Variants in GIGYF2 observed in about 807,000 individuals in gnomAD.
The protein encoded by GIGYF2 is GRB10 interacting GYF protein 2.
A neutral mutation model predicts 208.1 loss-of-function variants in GIGYF2; 25 were observed. That is an observed-to-expected ratio of 0.12 (90% confidence interval 0.09 to 0.17). The LOEUF (loss-of-function observed/expected upper bound fraction) is 0.17, where lower values mean the gene tolerates loss of function less well. GIGYF2 is among the 10% of genes least tolerant of loss of function. GIGYF2 has a pLI of 1.00. For missense variants in GIGYF2, 1,302 were observed against 1,579.4 expected, an observed-to-expected ratio of 0.82 and a Z score of 2.98; for synonymous variants, 534 against 543.8, an observed-to-expected ratio of 0.98 and a Z score of 0.25.
intron 2 of GIGYF2, among the ~76,000 whole-genome samples, chr2:232,705,273 A>G (rs1696041915): frequency 6.6e-6 from 1 of 152,300 alleles, no homozygotes; most frequent in Middle Eastern, 3.4e-3. Context: ...AGTAGTGGGG[A>G]CCGTTACTTT....
At chr2:232,848,301 G>T (rs1360305153) in intron 27 of GIGYF2, among the ~76,000 whole-genome samples, 1 of 152,134 alleles carries the variant, frequency 6.6e-6, no homozygotes, top group African/African-American at 2.4e-5. Flanking sequence ...GCCTTCCTGT[G>T]CTTAGGAACA....
chr2:232,816,125 A>T (rs560194621), intron 19 of GIGYF2, among the ~76,000 whole-genome samples: 1 of 152,306 alleles, frequency 6.6e-6, no homozygotes, highest in East Asian at 1.9e-4. Context: ...GTATTTGTTT[A>T]TATTTCTTAG....
rs1690709104 is a variant in GIGYF2 at position 232,859,889 on chromosome 2, G to C, written c.*3029G>C. On this transcript the variant is annotated 3_prime_UTR_variant, in exon 29 of 29. Transcript: ENST00000373563. ...CAGGCAGAAGCTGTGTTACCTTTTTGAGCTCTTAGCTCAGGAGTCACATAG... is the reference window on the plus strand; with the variant it reads ...CAGGCAGAAGCTGTGTTACCTTTTTCAGCTCTTAGCTCAGGAGTCACATAG... 6.6e-6 allele frequency: 1 copy of C among 151,994 alleles called. No individual in the cohort carries two copies. The highest frequency in any genetic ancestry group is 1.5e-5 in the Non-Finnish European group (1 of 68,016). The allele number at this position is 151,994 out of a possible 1,614,324, so 9.4% of individuals were successfully genotyped here.
At chr2:232,749,625 TAA>T (rs1380065694) in intron 5 of GIGYF2, among the ~76,000 whole-genome samples, 3 of 151,960 alleles carry the variant, frequency 2.0e-5, no homozygotes, top group Non-Finnish European at 4.4e-5. Context: ...GCAAAGAAAA[TAA>T]AAGAGTTTCT....
At chr2:232,784,598 G>GCCAGGTTGAT (rs140365931) in intron 8 of GIGYF2, among the ~76,000 whole-genome samples, 3 of 151,294 alleles carry the variant, frequency 2.0e-5, no homozygotes, top group Non-Finnish European at 4.4e-5. Context: ...CATCGTGTTA[G>GCCAGGTTGAT]CTTGATCTGA....
chr2:232,754,776 G>C (rs1398961645), intron 5 of GIGYF2, among the ~76,000 whole-genome samples: 1 of 151,756 alleles, frequency 6.6e-6, no homozygotes, highest in Admixed American at 6.6e-5. Context: ...ATTATAGTTT[G>C]AAATAGAAAT....
At chr2:232,733,305 A>G (rs1283807624) in intron 2 of GIGYF2, among the ~76,000 whole-genome samples, 1 of 150,682 alleles carries the variant, frequency 6.6e-6, no homozygotes, top group Non-Finnish European at 1.5e-5. Flanking sequence ...AGTTTACCTC[A>G]GTTTTAGTCT....
rs62640389 is a variant in GIGYF2 at position 232,847,520 on chromosome 2, G to T, written c.3633G>T (p.Gln1211His). 2.0e-6 allele frequency: 2 copies of T among 1,004,872 alleles called. No individual in the cohort carries two copies. Among genetic ancestry groups the T allele is most frequent in the Non-Finnish European group, 1.3e-6 (1 of 743,752 alleles). 62.2% of individuals were successfully genotyped at this position (1,004,872 alleles called of 1,614,324 possible). ...NQQRQQQQLPQQQQQQPPQQP... is the reference protein window; with the variant it reads ...NQQRQQQQLPHQQQQQPPQQP... ...AGCGTCAGCAGCAGCAGCTGCCACAGCAGCAGCAGCAGCAGCCGCCACAGC... is the reference window on the plus strand; with the variant it reads ...AGCGTCAGCAGCAGCAGCTGCCACATCAGCAGCAGCAGCAGCCGCCACAGC... The change falls in exon 27 of 29, where the codon CAG (glutamine) becomes CAT (histidine). Residue 1211 changes from glutamine to histidine, a missense_variant. Physicochemically the swap from Gln to His is conservative, Grantham distance 24 (BLOSUM62 0). Around this residue, in one of 8 missense-constraint regions of GIGYF2, gnomAD observed 701 missense variants for 793.0 expected, o/e 0.88. Transcript: ENST00000373563.
intron 15 of GIGYF2, among the ~76,000 whole-genome samples, chr2:232,807,068 C>G (rs138011768): frequency 6.6e-6 from 1 of 152,198 alleles, no homozygotes; most frequent in Non-Finnish European, 1.5e-5. Flanking sequence ...TTTGCTTCCT[C>G]TAGTTAGAAT....
intron 3 of GIGYF2, among the ~76,000 whole-genome samples, chr2:232,744,746 G>C (rs1184621769): frequency 6.6e-6 from 1 of 151,728 alleles, no homozygotes; most frequent in East Asian, 1.9e-4. Flanking sequence ...TGCCCAGGCT[G>C]GTCTTGAACT....
chr2:232,791,416 C>T lies in GIGYF2; in HGVS notation c.1252C>T (p.Leu418=), dbSNP rs747901759. Residue 418 remains leucine, a synonymous_variant, in exon 12 of 29, where the codon CTA becomes TTA. Transcript: ENST00000373563. ...AEEETRMENS[L]PAKVPSRGDE... ...AGAGGAGACTCGGATGGAAAATAGT[C>T]TACCAGCCAAAGTGCCCAGCAGAGG... 1.2e-6 allele frequency: 2 copies of T among 1,613,960 alleles called. No homozygotes were observed. The highest frequency in any genetic ancestry group is 3.3e-5 in the Admixed American group (2 of 59,984).
Position 232,858,325 on chromosome 2 carries a change from C to G in GIGYF2, c.*1465C>G. On this transcript the variant is annotated 3_prime_UTR_variant, in exon 29 of 29. Coordinates refer to ENST00000373563, the MANE Select transcript of GIGYF2 (RefSeq NM_001103146.3). ...GGGTTTGGAGTATTATATTTGGCTTCTATTTTTATTATTTTGGATCACCAT... is the reference window on the plus strand; with the variant it reads ...GGGTTTGGAGTATTATATTTGGCTTGTATTTTTATTATTTTGGATCACCAT... 2.6e-6 allele frequency: 1 copy of G among 382,696 alleles called. No individual in the cohort carries two copies. Among genetic ancestry groups the G allele is most frequent in the Non-Finnish European group, 5.1e-6 (1 of 196,630 alleles). The allele number at this position is 382,696 out of a possible 1,614,324, so 23.7% of individuals were successfully genotyped here.
intron 22 of GIGYF2, among the ~76,000 whole-genome samples, chr2:232,835,630 G>T (rs1434019294): frequency 6.6e-6 from 1 of 152,068 alleles, no homozygotes; most frequent in Non-Finnish European, 1.5e-5. Context: ...TTACTTGTTT[G>T]TTTATTTGTT....
chr2:232,780,163 A>G (rs1574875286), intron 8 of GIGYF2, among the ~76,000 whole-genome samples: 1 of 152,296 alleles, frequency 6.6e-6, no homozygotes, highest in East Asian at 1.9e-4. Context: ...CATAAACACT[A>G]TTTTTGGCCG....
At chr2:232,830,687 A>C (rs1701401874) in intron 21 of GIGYF2, among the ~76,000 whole-genome samples, 1 of 152,144 alleles carries the variant, frequency 6.6e-6, no homozygotes, top group Admixed American at 6.6e-5. Flanking sequence ...GATTCCATTC[A>C]GAATATCGTA....
At chr2:232,705,729 G>GT (rs1403609353) in intron 2 of GIGYF2, 1 of 153,224 alleles carries the variant, frequency 6.5e-6, no homozygotes, top group Admixed American at 6.6e-5. Context: ...TTGAGATGGA[G>GT]TTTCACTCTT....
intron 23 of GIGYF2, among the ~76,000 whole-genome samples, chr2:232,840,298 G>A (rs1332904518): frequency 6.6e-6 from 1 of 152,204 alleles, no homozygotes; most frequent in East Asian, 1.9e-4. Flanking sequence ...TAAGTCTGAT[G>A]TCTAGAAAGC....
In GIGYF2 at chr2:232,720,868, T is replaced by G. The variant is rs1433924514; in HGVS notation, c.-43-14287T>G. On this transcript the variant is annotated intron_variant, in intron 2 of 28. Transcript: ENST00000373563. ...CCTCAGCCTCCCAAAGTGCTGGGAT[T>G]ACAGGCATGAGCCACCGTGCCCTGC... is the stretch of plus-strand genomic sequence containing the variant. Among the ~76,000 whole-genome samples, 4 of 152,308 alleles carry G rather than the reference T, an allele frequency of 2.6e-5. No homozygotes were observed. The East Asian group carries it at 7.7e-4, about 29-fold the overall frequency.
At chr2:232,753,552 C>T (rs1252559857) in intron 5 of GIGYF2, among the ~76,000 whole-genome samples, 2 of 152,126 alleles carry the variant, frequency 1.3e-5, no homozygotes, top group Non-Finnish European at 2.9e-5. Context: ...AGCCACCGTG[C>T]CTGGCACTTT....
Sources: gnomAD v4.1 joint callset for allele counts (sites outside exome capture counted in the v4.1 genomes callset) on GRCh38, gnomAD v4.1.1 for gene constraint, gnomAD v4.1.1 regional missense constraint, MANE v1.5 for transcripts, NCBI Gene and HGNC (gene_info 2026-07-23, HGNC 2026-07-21) for gene names.